Variants in UBXN8 observed in about 807,000 individuals in gnomAD.
The protein encoded by UBXN8 is UBX domain protein 8.
In UBXN8, 27 loss-of-function variants were observed where a neutral mutation model predicts 32.1. The observed-to-expected ratio is 0.84, with a 90% CI of 0.62 to 1.16. The LOEUF (loss-of-function observed/expected upper bound fraction) is 1.16. Among genes scored for constraint, UBXN8 ranks in the 50% most tolerant of loss-of-function variants. The pLI is 0.00. For synonymous variants in UBXN8, 109 were observed against 111.8 expected (o/e 0.98, Z 0.16); for missense variants, 306 against 311.4 (o/e 0.98, Z 0.13).
At position 30,766,464 on chromosome 8, in the gene UBXN8, C is replaced by CA; in HGVS notation, c.*71dup. 7.0e-7 allele frequency: 1 copy of CA among 1,429,146 alleles called. No individual in the cohort carries two copies. The highest frequency in any genetic ancestry group is 9.3e-7 in the Non-Finnish European group (1 of 1,080,312). The allele number at this position is 1,429,146 out of a possible 1,614,324, so 88.5% of individuals were successfully genotyped here. On this transcript the variant is annotated 3_prime_UTR_variant, in exon 8 of 8. Transcript: ENST00000265616. ...TGACCTTCTGGCACAATAAAGGCTT[C>CA]ACTTTCAAATCACACTATACCTTGA...
chr8:30,761,510 G>T (rs571279128), intron 6 of UBXN8, among the ~76,000 whole-genome samples: 1 of 152,188 alleles, frequency 6.6e-6, no homozygotes, highest in Non-Finnish European at 1.5e-5. Flanking sequence ...CTCCCAAAGC[G>T]CTGGGATTAC....
Position 30,754,765 on chromosome 8 carries a change from T to G in UBXN8, c.383T>G (p.Leu128Ter), listed in dbSNP as rs1457542439. 1.3e-6 allele frequency: 2 copies of G among 1,557,718 alleles called. No homozygotes were observed. The highest frequency in any genetic ancestry group is 2.2e-5 in the Admixed American group (1 of 44,498). The change falls in exon 4 of 8, where the codon TTA becomes TGA. Residue 128 changes from leucine to a stop codon, truncating the protein, a stop_gained. Transcript: ENST00000265616. LOFTEE classifies it high-confidence loss of function. ...CAAATGACGGGTGAAGCCTGGAAATTAAGCAGTGGTCACAAACTTGGGGTT... is the reference window on the plus strand; with the variant it reads ...CAAATGACGGGTGAAGCCTGGAAATGAAGCAGTGGTCACAAACTTGGGGTT... Reference protein sequence around the residue: ...FYQMTGEAWKLSSGHKLGGDE... With the variant: ...FYQMTGEAWK
intron 1 of UBXN8, among the ~76,000 whole-genome samples, chr8:30,747,887 A>ATTTT (rs1449255462): frequency 9.8e-5 from 4 of 40,726 alleles, no homozygotes; most frequent in East Asian, 1.0e-3. Flanking sequence ...TTTAATATAT[A>ATTTT]TTTTTTCTTT....
chr8:30,761,837 G>C (rs1017873914), intron 6 of UBXN8, among the ~76,000 whole-genome samples: 1 of 152,198 alleles, frequency 6.6e-6, no homozygotes, highest in South Asian at 2.1e-4. Context: ...TTTGCTGTTG[G>C]GGGCTGGGCT....
chr8:30,736,352 A>G (rs11986256), intron 1 of UBXN8, among the ~76,000 whole-genome samples: 38,421 of 152,144 alleles, frequency 0.25, 5,586 homozygotes, highest in African/African-American at 0.4. Context: ...TTTTGATCTC[A>G]TTTCAGTAAC....
chr8:30,738,146 G>T (rs1475298389), intron 1 of UBXN8, among the ~76,000 whole-genome samples: 1 of 150,436 alleles, frequency 6.6e-6, no homozygotes, highest in African/African-American at 2.4e-5. Context: ...AAAAGCAAAG[G>T]TTTCTTAGGA....
intron 1 of UBXN8, among the ~76,000 whole-genome samples, chr8:30,749,632 GTCTC>G (rs1440964494): frequency 1.4e-5 from 2 of 145,074 alleles, no homozygotes; most frequent in Admixed American, 7.0e-5. Flanking sequence ...TTGAGACAGA[GTCTC>G]TCTCTGTCGC....
chr8:30,731,357 G>A (rs573109234), upstream of UBXN8, among the ~76,000 whole-genome samples: 23 of 152,284 alleles, frequency 1.5e-4, no homozygotes, highest in African/African-American at 5.3e-4. Flanking sequence ...AAAGACTATT[G>A]ACATCATCGG....
chr8:30,764,789 C>T (rs888235704), intron 7 of UBXN8, among the ~76,000 whole-genome samples: 1 of 152,194 alleles, frequency 6.6e-6, no homozygotes, highest in Admixed American at 6.5e-5. Flanking sequence ...CCATGGCTCA[C>T]GCCTGTAATC....
intron 1 of UBXN8, among the ~76,000 whole-genome samples, chr8:30,749,382 G>T (rs1805450426): frequency 8.1e-6 from 1 of 123,166 alleles, no homozygotes; most frequent in African/African-American, 3.2e-5. Context: ...AACAGACTGA[G>T]GCTCCGTCTC....
At chr8:30,749,845 C>T (rs1805471925) in intron 1 of UBXN8, among the ~76,000 whole-genome samples, 1 of 152,036 alleles carries the variant, frequency 6.6e-6, no homozygotes, top group South Asian at 2.1e-4. Flanking sequence ...GACCTCTGAT[C>T]TGCCTGCCTC....
At chr8:30,737,871 C>T (rs1489721286) in intron 1 of UBXN8, among the ~76,000 whole-genome samples, 2 of 152,060 alleles carry the variant, frequency 1.3e-5, no homozygotes, top group South Asian at 4.1e-4. Flanking sequence ...AACACACACA[C>T]GTAGCCATCT....
At chr8:30,756,225 C>T (rs1342555744) in intron 4 of UBXN8, 1 of 153,930 alleles carries the variant, frequency 6.5e-6, no homozygotes, top group Non-Finnish European at 1.4e-5. Flanking sequence ...ACTGCAACCT[C>T]CGCCTCCTAG....
intron 5 of UBXN8, among the ~76,000 whole-genome samples, chr8:30,758,145 C>T (rs1381151903): frequency 6.6e-6 from 1 of 152,166 alleles, no homozygotes; most frequent in Non-Finnish European, 1.5e-5. Context: ...ATCCGCCCGC[C>T]TTGGCCTCCC....
chr8:30,749,607 TC>T (rs1317880636), intron 1 of UBXN8, among the ~76,000 whole-genome samples: 1 of 65,512 alleles, frequency 1.5e-5, no homozygotes, highest in Admixed American at 3.0e-4. Flanking sequence ...TTTCTTTTTT[TC>T]TTTTTTTTTT....
upstream of UBXN8, among the ~76,000 whole-genome samples, chr8:30,729,955 C>T (rs911674524): frequency 6.6e-5 from 10 of 152,128 alleles, no homozygotes; most frequent in African/African-American, 2.4e-4. Flanking sequence ...GGATCCCGCT[C>T]CACCCACCGA....
Position 30,759,405 on chromosome 8 carries a change from T to C in UBXN8, c.529-1483T>C, listed in dbSNP as rs555861572. On this transcript the variant is annotated intron_variant, in intron 5 of 7. Coordinates refer to ENST00000265616, the MANE Select transcript of UBXN8 (RefSeq NM_005671.4). ...GTGCGCCACCACGCCTAGCTCATTT[T>C]TGTATTTTTAGTAGAGATGGGGTAT... is the stretch of plus-strand genomic sequence containing the variant. Among the ~76,000 whole-genome samples, 23 of 151,616 alleles carry C rather than the reference T, an allele frequency of 1.5e-4. No homozygotes were observed. The South Asian group carries it at 4.6e-3, about 30-fold the overall frequency.
chr8:30,741,137 G>A (rs545229578), upstream of UBXN8, among the ~76,000 whole-genome samples: 296 of 141,094 alleles, frequency 2.1e-3, no homozygotes, highest in South Asian at 0.015. Context: ...TATAAAAATC[G>A]CCCTCTGTAA....
intron 2 of UBXN8, 30 bp from the exon 3 acceptor site, chr8:30,753,005 A>G: frequency 4.0e-6 from 6 of 1,492,820 alleles, no homozygotes; most frequent in Non-Finnish European, 5.3e-6. Context: ...CTTGGGAAGT[A>G]AAAAGCACTT....
Sources: allele counts gnomAD v4.1 joint callset (sites outside exome capture counted in the v4.1 genomes callset), GRCh38; gene constraint gnomAD v4.1.1; transcripts MANE v1.5; gene names NCBI Gene and HGNC (gene_info 2026-07-23, HGNC 2026-07-21).